The following PCDHA9 variants were observed in gnomAD, a reference collection of about 807,000 sequenced individuals.
PCDHA9 encodes the protein protocadherin alpha-9.
In PCDHA9, 62 loss-of-function variants were observed where a neutral mutation model predicts 62.0. The observed-to-expected ratio is 1.00, with a 90% CI of 0.81 to 1.23. The LOEUF (loss-of-function observed/expected upper bound fraction) is 1.23. Among genes scored for constraint, PCDHA9 ranks in the 50% most tolerant of loss-of-function variants. PCDHA9 has a pLI of 0.00. For synonymous variants in PCDHA9, 557 were observed against 567.6 expected (o/e 0.98, Z 0.27); for missense variants, 1,205 against 1,249.8 (o/e 0.96, Z 0.54).
intron 1 of PCDHA9, chr5:140,860,473 G>A (rs534132649): frequency 6.6e-6 from 1 of 152,258 alleles, no homozygotes; most frequent in South Asian, 2.1e-4. Flanking sequence ...AGTTGGTGCA[G>A]TAGTACTTTA....
At chr5:140,859,390 C>G (rs911308831) in intron 1 of PCDHA9, 1 of 268,000 alleles carries the variant, frequency 3.7e-6, no homozygotes, top group Non-Finnish European at 6.7e-6. Flanking sequence ...CTCTAGTCAT[C>G]TTAAACAGGG....
At chr5:140,870,494 A>G (rs782779572) in intron 1 of PCDHA9, 1 of 1,614,236 alleles carries the variant, frequency 6.2e-7, no homozygotes, top group South Asian at 1.1e-5. Flanking sequence ...GTGTTCGTGA[A>G]GGAGAACAAC....
chr5:140,869,894 T>A lies in PCDHA9; in HGVS notation c.2394+19005T>A, dbSNP rs1234875307. 5 of 1,610,472 alleles carry A rather than the reference T, an allele frequency of 3.1e-6. No individual in the cohort carries two copies. The African/African-American group carries it at 4.0e-5, about 13-fold the overall frequency. On this transcript the variant is annotated intron_variant, in intron 1 of 3. Coordinates refer to ENST00000532602, the MANE Select transcript of PCDHA9 (RefSeq NM_031857.2). ...GCTAAAGAAACTCTTGTGCTCAAAC[T>A]AAACGCCACAGACCGAGACGAAGGA...
intron 1 of PCDHA9, among the ~76,000 whole-genome samples, chr5:140,880,283 A>G (rs1308508886): frequency 3.3e-5 from 5 of 152,250 alleles, no homozygotes; most frequent in African/African-American, 9.6e-5. Flanking sequence ...AAGTTTGACT[A>G]TCTTCATAGT....
At chr5:140,891,034 G>A (rs1377509789) in intron 1 of PCDHA9, among the ~76,000 whole-genome samples, 1 of 151,488 alleles carries the variant, frequency 6.6e-6, no homozygotes, top group Non-Finnish European at 1.5e-5. Context: ...ATAATCTTAG[G>A]TGTGACCCCC....
In PCDHA9 at chr5:140,881,260, A is replaced by G. The variant is rs1223751140; in HGVS notation, c.2394+30371A>G. The G allele has an allele frequency of 7.6e-6, 4 of 528,232 alleles. No individual in the cohort carries two copies. In the African/African-American group the frequency reaches 8.2e-5, roughly 11 times the overall value. The allele number at this position is 528,232 out of a possible 1,614,324, so 32.7% of individuals were successfully genotyped here. On this transcript the variant is annotated intron_variant, in intron 1 of 3. Transcript: ENST00000532602. ...TTTAAATGACGGCAAGGTTTTACTC[A>G]GTGATGATGAAGTAAGATGGAGAGA... is the stretch of plus-strand genomic sequence containing the variant.
intron 1 of PCDHA9, among the ~76,000 whole-genome samples, chr5:140,940,208 A>T (rs1193106137): frequency 6.6e-6 from 1 of 152,164 alleles, no homozygotes; most frequent in Non-Finnish European, 1.5e-5. Flanking sequence ...AAAATTCAAG[A>T]TTGGCATTTA....
intron 3 of PCDHA9, among the ~76,000 whole-genome samples, chr5:141,000,018 A>G (rs2097889437): frequency 6.6e-6 from 1 of 152,038 alleles, no homozygotes; most frequent in East Asian, 1.9e-4. Flanking sequence ...CCCCATTGCT[A>G]AGCCTGACAT....
At chr5:140,858,413 A>T (rs150984635) in intron 1 of PCDHA9, 1 of 1,562,352 alleles carries the variant, frequency 6.4e-7, no homozygotes. Flanking sequence ...AGATCAGTCT[A>T]TTGGAGGGGA....
intron 1 of PCDHA9, among the ~76,000 whole-genome samples, chr5:140,932,592 T>C (rs1435571468): frequency 7.2e-5 from 11 of 151,922 alleles, no homozygotes; most frequent in Non-Finnish European, 2.9e-5. Context: ...AGATGTTTTG[T>C]ATATCTATTT....
chr5:140,924,714 G>C (rs2081964744), intron 1 of PCDHA9, among the ~76,000 whole-genome samples: 1 of 151,860 alleles, frequency 6.6e-6, no homozygotes, highest in African/African-American at 2.4e-5. Context: ...GTGCAACATG[G>C]CGAAACCTCA....
intron 1 of PCDHA9, chr5:140,856,070 C>G (rs533914587): frequency 1.3e-6 from 2 of 1,591,758 alleles, no homozygotes; most frequent in South Asian, 2.2e-5. Context: ...ATGTAGCTGC[C>G]TGGGGGTCCA....
At chr5:140,862,749 G>A (rs993473584) in intron 1 of PCDHA9, 2 of 579,518 alleles carry the variant, frequency 3.5e-6, no homozygotes, top group Non-Finnish European at 6.7e-6. Context: ...GGGTGCACGC[G>A]GAGAGCGGCA....
intron 1 of PCDHA9, among the ~76,000 whole-genome samples, chr5:140,936,248 G>A (rs2090860399): frequency 6.6e-6 from 1 of 152,086 alleles, no homozygotes; most frequent in Admixed American, 6.5e-5. Context: ...AACATATCCT[G>A]CTTCAAGTCA....
intron 1 of PCDHA9, chr5:140,968,445 G>C (rs782157846): frequency 1.2e-6 from 2 of 1,613,954 alleles, no homozygotes; most frequent in African/African-American, 2.7e-5. Context: ...CCACCACTGA[G>C]CAGCACTGTG....
chr5:140,850,840 C>A lies in PCDHA9; in HGVS notation c.2345C>A (p.Ser782Tyr), dbSNP rs2150500104. The change falls in exon 1 of 4, where the codon TCT (serine) becomes TAT (tyrosine). Residue 782 changes from serine (S) to tyrosine (Y), a missense_variant. Ser to Tyr is a moderately radical substitution (Grantham distance 144). Around this residue, in one of 3 missense-constraint regions of PCDHA9, gnomAD observed 887 missense variants for 809.5 expected, o/e 1.10. Transcript: ENST00000532602. ...FSPGLSPCAG[S>Y]TERTGEPSAS... is the part of the protein sequence containing the mutation. ...CCGGGCCTTTCTCCTTGTGCTGGAT[C>A]TACAGAGCGAACGGGAGAACCCTCT... 1.3e-6 allele frequency: 2 copies of A among 1,597,492 alleles called. No individual in the cohort carries two copies. The highest frequency in any genetic ancestry group is 1.7e-6 in the Non-Finnish European group (2 of 1,167,018).
At chr5:140,880,281 C>T (rs2058294062) in intron 1 of PCDHA9, among the ~76,000 whole-genome samples, 2 of 152,074 alleles carry the variant, frequency 1.3e-5, no homozygotes. Flanking sequence ...AGAAGTTTGA[C>T]TATCTTCATA....
chr5:140,973,825 T>A (rs1253333011), intron 1 of PCDHA9, among the ~76,000 whole-genome samples: 5 of 152,246 alleles, frequency 3.3e-5, no homozygotes, highest in Non-Finnish European at 5.9e-5. Context: ...AAGTCAGTTC[T>A]GGGTACTTGC....
chr5:140,987,244 A>T (rs1184597193), intron 3 of PCDHA9, among the ~76,000 whole-genome samples: 1 of 152,018 alleles, frequency 6.6e-6, no homozygotes, highest in Non-Finnish European at 1.5e-5. Context: ...ATAAAGAAAG[A>T]AAGACATTCT....
Sources: allele counts gnomAD v4.1 joint callset (sites outside exome capture counted in the v4.1 genomes callset), GRCh38; gene constraint gnomAD v4.1.1; regional missense constraint gnomAD v4.1.1; transcripts MANE v1.5; gene names NCBI Gene and HGNC (gene_info 2026-07-23, HGNC 2026-07-21).